Variants in CNTN1 observed in about 807,000 individuals in gnomAD.
The protein encoded by CNTN1 is contactin-1.
A neutral mutation model predicts 126.4 loss-of-function variants in CNTN1; 38 were observed. That is an observed-to-expected ratio of 0.30 (90% CI 0.23 to 0.39). The LOEUF (loss-of-function observed/expected upper bound fraction) is 0.39, where lower values mean the gene tolerates loss of function less well. CNTN1 is among the 10% of genes least tolerant of loss of function. The pLI is 1.00. For missense variants in CNTN1, 1,009 were observed against 1,248.4 expected, an observed-to-expected ratio of 0.81 and a Z score of 2.89; for synonymous variants, 413 against 422.6, an observed-to-expected ratio of 0.98 and a Z score of 0.28.
intron 20 of CNTN1, among the ~76,000 whole-genome samples, chr12:41,022,078 A>G (rs1213873986): frequency 6.6e-6 from 1 of 152,144 alleles, no homozygotes; most frequent in African/African-American, 2.4e-5. Context: ...AAAATTATAT[A>G]TTATCTTTGT....
intron 1 of CNTN1, among the ~76,000 whole-genome samples, chr12:40,890,840 C>T (rs1456866486): frequency 2.6e-5 from 4 of 152,150 alleles, no homozygotes; most frequent in Admixed American, 6.5e-5. Context: ...CATACATTTT[C>T]AACTTCTTTG....
intron 1 of CNTN1, among the ~76,000 whole-genome samples, chr12:40,740,291 AC>A (rs2136380005): frequency 6.6e-6 from 1 of 152,108 alleles, no homozygotes; most frequent in African/African-American, 2.4e-5. Flanking sequence ...ATGCAGATTT[AC>A]CCCAGTATAT....
At chr12:40,934,559 C>G (rs1016228340) in intron 9 of CNTN1, among the ~76,000 whole-genome samples, 4 of 151,220 alleles carry the variant, frequency 2.6e-5, no homozygotes, top group African/African-American at 9.7e-5. Context: ...GAAATAATTT[C>G]TATAATGTTC....
intron 9 of CNTN1, among the ~76,000 whole-genome samples, chr12:40,935,778 G>T (rs962443610): frequency 2.0e-5 from 3 of 151,902 alleles, no homozygotes; most frequent in Non-Finnish European, 2.9e-5. Flanking sequence ...TATGCTTTAA[G>T]ATATATAGGT....
At position 40,930,096 on chromosome 12, in the gene CNTN1, T is replaced by G; in HGVS notation, c.703+94T>G. ...AAAGAAATATCCAGTGAAGACTAGC[T>G]GACTTTTCAGGAAGGACAATATAAA... On this transcript the variant is annotated intron_variant, in intron 7 of 23. Coordinates refer to ENST00000551295, the MANE Select transcript of CNTN1 (RefSeq NM_001843.4). The G allele has an allele frequency of 1.2e-5, 13 of 1,060,342 alleles. No individual in the cohort carries two copies. In the South Asian group the frequency reaches 1.6e-4, roughly 13 times the overall value. The allele number at this position is 1,060,342 out of a possible 1,614,324, so 65.7% of individuals were successfully genotyped here. A position where few individuals can be genotyped will look rare whatever the true frequency, so the allele number is the denominator to read the frequency against.
intron 1 of CNTN1, among the ~76,000 whole-genome samples, chr12:40,753,625 G>A (rs1592049869): frequency 2.0e-5 from 3 of 152,036 alleles, no homozygotes; most frequent in Admixed American, 6.6e-5. Flanking sequence ...CAACGTGGAC[G>A]TAACTGCTCC....
chr12:40,948,364 A>T (rs1276141726), intron 14 of CNTN1, among the ~76,000 whole-genome samples: 1 of 151,414 alleles, frequency 6.6e-6, no homozygotes, highest in Non-Finnish European at 1.5e-5. Context: ...AAAAAAAAAA[A>T]AAATCTGGGT....
intron 1 of CNTN1, among the ~76,000 whole-genome samples, chr12:40,762,364 CATG>C (rs1364668157): frequency 1.4e-5 from 2 of 144,300 alleles, no homozygotes; most frequent in Non-Finnish European, 3.0e-5. Context: ...GAGTAAAAAT[CATG>C]ATGATAAGAC....
At chr12:41,034,884 G>A (rs556547102) in intron 23 of CNTN1, among the ~76,000 whole-genome samples, 59 of 152,214 alleles carry the variant, frequency 3.9e-4, no homozygotes, top group African/African-American at 1.4e-3. Context: ...TTCAACTTTG[G>A]GAGGCAACTC....
At chr12:41,049,649 A>C (rs946052851) in intron 23 of CNTN1, among the ~76,000 whole-genome samples, 2 of 152,196 alleles carry the variant, frequency 1.3e-5, no homozygotes, top group African/African-American at 4.8e-5. Flanking sequence ...TTCTTAATAT[A>C]ATGACCACAG....
At chr12:40,997,661 G>C (rs1460354305) in intron 17 of CNTN1, among the ~76,000 whole-genome samples, 1 of 152,192 alleles carries the variant, frequency 6.6e-6, no homozygotes, top group Non-Finnish European at 1.5e-5. Flanking sequence ...CATGTAAGCA[G>C]TATAATCTGG....
At chr12:40,759,454 C>A (rs1251686805) in intron 1 of CNTN1, among the ~76,000 whole-genome samples, 1 of 150,908 alleles carries the variant, frequency 6.6e-6, no homozygotes, top group Non-Finnish European at 1.5e-5. Flanking sequence ...TCTTCCCTTC[C>A]CTTCCCTTTC....
intron 1 of CNTN1, among the ~76,000 whole-genome samples, chr12:40,869,811 T>C (rs1290088142): frequency 6.6e-6 from 1 of 152,196 alleles, no homozygotes; most frequent in Non-Finnish European, 1.5e-5. Flanking sequence ...GGAATGGAAA[T>C]TATTTTGAGT....
intron 19 of CNTN1, among the ~76,000 whole-genome samples, chr12:41,018,464 C>T (rs1484652059): frequency 2.0e-5 from 3 of 152,140 alleles, no homozygotes; most frequent in African/African-American, 7.2e-5. Context: ...ATAATTAAAT[C>T]ATCCTATGAT....
chr12:40,844,593 T>C (rs1170973226), intron 1 of CNTN1, among the ~76,000 whole-genome samples: 1 of 152,182 alleles, frequency 6.6e-6, no homozygotes, highest in Non-Finnish European at 1.5e-5. Flanking sequence ...CCCTCTCTAA[T>C]CCTTCACCAA....
At chr12:41,060,276 C>G (rs1003320734) in intron 23 of CNTN1, among the ~76,000 whole-genome samples, 2 of 152,112 alleles carry the variant, frequency 1.3e-5, no homozygotes, top group Admixed American at 1.3e-4. Context: ...AATAAACCCA[C>G]AGGGCCATGT....
intron 1 of CNTN1, among the ~76,000 whole-genome samples, chr12:40,806,530 A>C (rs1364853264): frequency 6.6e-6 from 1 of 152,248 alleles, no homozygotes; most frequent in East Asian, 1.9e-4. Context: ...ACAGTTCCCA[A>C]TCATTTCCCA....
intron 23 of CNTN1, among the ~76,000 whole-genome samples, chr12:41,040,386 C>G (rs936711819): frequency 1.3e-5 from 2 of 151,938 alleles, no homozygotes; most frequent in Non-Finnish European, 2.9e-5. Context: ...GCATGATGTT[C>G]AAAGTTAAAT....
rs570201276 is a variant in CNTN1 at position 40,889,611 on chromosome 12, A to G, written c.-76-18746A>G. Among the ~76,000 whole-genome samples the G allele has an allele frequency of 5.3e-5, 8 of 152,356 alleles. No individual in the cohort carries two copies. The South Asian group carries it at 1.7e-3, about 32-fold the overall frequency. ...ATGGGAGAGTCAGACACTGAGAATT[A>G]TTTAATCATAAAATGTAATACTCAT... On this transcript the variant is annotated intron_variant, in intron 1 of 23. Coordinates refer to ENST00000551295, the MANE Select transcript of CNTN1 (RefSeq NM_001843.4).
Sources: gnomAD v4.1 joint callset for allele counts (sites outside exome capture counted in the v4.1 genomes callset) on GRCh38, gnomAD v4.1.1 for gene constraint, MANE v1.5 for transcripts, NCBI Gene and HGNC (gene_info 2026-07-23, HGNC 2026-07-21) for gene names.